Variants in EXOC4 observed in about 807,000 individuals in gnomAD.
EXOC4 encodes exocyst complex component 4.
Under a neutral mutation model 107.2 loss-of-function variants are expected in EXOC4, and 71 were observed. The observed-to-expected ratio is 0.66, with a 90% CI of 0.55 to 0.81. The LOEUF (loss-of-function observed/expected upper bound fraction) is 0.81. EXOC4 is among the 30% of genes least tolerant of loss of function. The pLI is 0.00. For synonymous variants in EXOC4, 456 were observed against 441.2 expected (o/e 1.03, Z -0.42); for missense variants, 1,108 against 1,189.6 (o/e 0.93, Z 1.01).
chr7:133,569,151 G>T (rs964680799), intron 9 of EXOC4, among the ~76,000 whole-genome samples: 2 of 127,286 alleles, frequency 1.6e-5, no homozygotes, highest in Admixed American at 1.5e-4. Flanking sequence ...AATTAATAAA[G>T]ATTTTTTTTT....
At chr7:133,563,348 T>C (rs1433134663) in intron 9 of EXOC4, among the ~76,000 whole-genome samples, 2 of 152,222 alleles carry the variant, frequency 1.3e-5, no homozygotes, top group South Asian at 2.1e-4. Flanking sequence ...CTTCTGCTCA[T>C]GAACATCTGT....
At chr7:133,446,973 C>A (rs1798235486) in intron 7 of EXOC4, among the ~76,000 whole-genome samples, 1 of 152,208 alleles carries the variant, frequency 6.6e-6, no homozygotes, top group South Asian at 2.1e-4. Context: ...CCTCTCTAGG[C>A]TGCAGTTTAC....
chr7:133,559,336 A>G (rs1800764554), intron 9 of EXOC4, among the ~76,000 whole-genome samples: 2 of 152,140 alleles, frequency 1.3e-5, no homozygotes, highest in African/African-American at 4.8e-5. Context: ...CTTTCTCTAC[A>G]CTAATACTGA....
At chr7:133,483,337 G>A (rs1799198977) in intron 9 of EXOC4, among the ~76,000 whole-genome samples, 1 of 152,154 alleles carries the variant, frequency 6.6e-6, no homozygotes, top group South Asian at 2.1e-4. Context: ...ATATGGTTTT[G>A]TCCTCTGCAG....
chr7:133,772,102 G>A (rs988147947), intron 10 of EXOC4, among the ~76,000 whole-genome samples: 5 of 151,864 alleles, frequency 3.3e-5, no homozygotes, highest in African/African-American at 9.7e-5. Context: ...CCCCCTTCCC[G>A]TAACTGAAAT....
At chr7:133,472,855 G>C (rs1798917026) in intron 7 of EXOC4, among the ~76,000 whole-genome samples, 1 of 152,076 alleles carries the variant, frequency 6.6e-6, no homozygotes, top group Non-Finnish European at 1.5e-5. Flanking sequence ...TGATGATAAG[G>C]GGACTTTACT....
chr7:134,011,588 G>A (rs776315045), intron 17 of EXOC4, among the ~76,000 whole-genome samples: 12 of 151,714 alleles, frequency 7.9e-5, no homozygotes, highest in South Asian at 2.1e-4. Flanking sequence ...GCGGTAGGGC[G>A]AAAAATTGTA....
At chr7:133,325,000 A>G (rs1327135380) in intron 5 of EXOC4, among the ~76,000 whole-genome samples, 2 of 152,252 alleles carry the variant, frequency 1.3e-5, no homozygotes, top group African/African-American at 4.8e-5. Context: ...TTGTTGGTTT[A>G]AAGTCTGTTT....
At chr7:133,360,140 G>A (rs1796105823) in intron 6 of EXOC4, among the ~76,000 whole-genome samples, 1 of 152,178 alleles carries the variant, frequency 6.6e-6, no homozygotes, top group Non-Finnish European at 1.5e-5. Context: ...CTGCATTTCA[G>A]AATCAATTTC....
At chr7:134,098,705 C>T in the EXOC4 span, among the ~76,000 whole-genome samples, 4 of 152,174 alleles carry the variant, frequency 2.6e-5, no homozygotes, top group Non-Finnish European at 5.9e-5. Context: ...GGCAGGGACA[C>T]ATCACATTCA....
chr7:133,542,169 T>TTGTGTGTGTGTG lies in EXOC4; in HGVS notation c.1417+62050_1417+62061dup, dbSNP rs3046171. Among the ~76,000 whole-genome samples the TTGTGTGTGTGTG allele has an allele frequency of 1.4e-3, 206 of 147,148 alleles. 2 individuals carry two copies. The highest frequency in any genetic ancestry group is 3.2e-3 in the African/African-American group (127 of 39,856). On this transcript the variant is annotated intron_variant, in intron 9 of 17. Coordinates refer to ENST00000253861, the MANE Select transcript of EXOC4 (RefSeq NM_021807.4). The stretch of plus-strand genomic sequence containing the variant: ...GGAGAAAAGGCAGACAAATTTTATC[T>TTGTGTGTGTGTG]TGTGTGTGTGTGTGTGTGTGTGTGT...
intron 14 of EXOC4, among the ~76,000 whole-genome samples, chr7:133,992,214 A>AT (rs369677495): frequency 4.0e-5 from 6 of 151,252 alleles, no homozygotes; most frequent in Admixed American, 2.0e-4. Flanking sequence ...TGTAAATTGG[A>AT]TTTTTTTTCT....
chr7:133,641,310 T>A (rs1802848972), intron 10 of EXOC4, among the ~76,000 whole-genome samples: 1 of 152,218 alleles, frequency 6.6e-6, no homozygotes, highest in Non-Finnish European at 1.5e-5. Context: ...GGGGCAGTTT[T>A]AAATGTATAA....
intron 10 of EXOC4, among the ~76,000 whole-genome samples, chr7:133,748,924 A>G (rs930793559): frequency 1.3e-5 from 2 of 152,192 alleles, no homozygotes; most frequent in African/African-American, 4.8e-5. Context: ...CCAAAACCCT[A>G]GTTCCCAAAT....
chr7:133,317,940 G>A (rs1795029086), intron 5 of EXOC4, among the ~76,000 whole-genome samples: 1 of 152,058 alleles, frequency 6.6e-6, no homozygotes, highest in Non-Finnish European at 1.5e-5. Flanking sequence ...TTACAGGCGT[G>A]AGCCACCACA....
intron 7 of EXOC4, among the ~76,000 whole-genome samples, chr7:133,443,020 C>T (rs183712004): frequency 1.3e-5 from 2 of 152,320 alleles, no homozygotes; most frequent in East Asian, 1.9e-4. Context: ...CAAAGTGCCT[C>T]TCTGCAGGAC....
intron 10 of EXOC4, among the ~76,000 whole-genome samples, chr7:133,668,890 G>A (rs1793875821): frequency 6.6e-6 from 1 of 152,084 alleles, no homozygotes; most frequent in South Asian, 2.1e-4. Context: ...ATGTGGCCTG[G>A]GTCAGATGAC....
At chr7:133,636,362 C>T (rs926476626) in intron 10 of EXOC4, among the ~76,000 whole-genome samples, 1 of 152,136 alleles carries the variant, frequency 6.6e-6, no homozygotes, top group East Asian at 1.9e-4. Flanking sequence ...GATTCTGTGA[C>T]TGGGCAGTGC....
At chr7:133,349,212 T>A (rs1795854168) in intron 5 of EXOC4, among the ~76,000 whole-genome samples, 1 of 152,124 alleles carries the variant, frequency 6.6e-6, no homozygotes, top group African/African-American at 2.4e-5. Context: ...CCTGCAGTGT[T>A]AAATACATTG....
Sources: allele counts gnomAD v4.1 joint callset (sites outside exome capture counted in the v4.1 genomes callset), GRCh38; gene constraint gnomAD v4.1.1; transcripts MANE v1.5; gene names NCBI Gene and HGNC (gene_info 2026-07-23, HGNC 2026-07-21).